The following ROBO2 variants were observed in gnomAD, a reference collection of about 807,000 sequenced individuals.
The protein encoded by ROBO2 is roundabout homolog 2.
Under a neutral mutation model 160.8 loss-of-function variants are expected in ROBO2, and 53 were observed. That is an observed-to-expected ratio of 0.33 (90% confidence interval 0.26 to 0.41). ROBO2 has a LOEUF of 0.41. Ranked by LOEUF, ROBO2 falls within the 10% of genes least tolerant of loss-of-function variation. The probability of loss-of-function intolerance (pLI) is 1.00; values close to 1 mark genes in which losing one functional copy is unlikely to be tolerated. For missense variants in ROBO2, 1,577 were observed against 1,722.4 expected (o/e 0.92, Z 1.49); for synonymous variants, 664 against 611.7 (o/e 1.09, Z -1.26).
At chr3:76,967,230 CTT>C (rs572930053) in intron 2 of ROBO2, among the ~76,000 whole-genome samples, 7 of 140,648 alleles carry the variant, frequency 5.0e-5, no homozygotes, top group Non-Finnish European at 7.8e-5. Flanking sequence ...CAAAATGTGC[CTT>C]TTTTTTTTTT....
At chr3:75,927,538 T>C (rs1947336407) in intron 1 of ROBO2, among the ~76,000 whole-genome samples, 1 of 152,200 alleles carries the variant, frequency 6.6e-6, no homozygotes. Context: ...GCTCACATAG[T>C]CACGTAAAGT....
At chr3:76,004,345 A>G (rs1383673652) in intron 2 of ROBO2, among the ~76,000 whole-genome samples, 2 of 152,166 alleles carry the variant, frequency 1.3e-5, no homozygotes, top group Non-Finnish European at 2.9e-5. Context: ...AGCCACCCAA[A>G]TCTGAGTGGG....
intron 2 of ROBO2, among the ~76,000 whole-genome samples, chr3:76,392,394 G>T (rs961821544): frequency 1.1e-4 from 17 of 152,062 alleles, no homozygotes; most frequent in African/African-American, 4.1e-4. Flanking sequence ...TCAGATACCT[G>T]TACAAATTGT....
intron 2 of ROBO2, among the ~76,000 whole-genome samples, chr3:76,206,976 A>G (rs1702846875): frequency 6.6e-6 from 1 of 152,150 alleles, no homozygotes; most frequent in Non-Finnish European, 1.5e-5. Flanking sequence ...TTTCATTCCC[A>G]TGAGTTTAGG....
intron 2 of ROBO2, among the ~76,000 whole-genome samples, chr3:75,994,956 C>T (rs2065683329): frequency 6.6e-6 from 1 of 152,128 alleles, no homozygotes; most frequent in Non-Finnish European, 1.5e-5. Flanking sequence ...CGGCATTTTG[C>T]CCCTGCCCTA....
At chr3:76,751,332 C>A (rs1365088163) in intron 2 of ROBO2, among the ~76,000 whole-genome samples, 1 of 152,008 alleles carries the variant, frequency 6.6e-6, no homozygotes, top group African/African-American at 2.4e-5. Flanking sequence ...ACATGTTAGA[C>A]CTAAAACCAT....
chr3:76,468,914 C>T (rs78967944), intron 2 of ROBO2, among the ~76,000 whole-genome samples: 5,363 of 152,138 alleles, frequency 0.035, 320 homozygotes, highest in African/African-American at 0.12. Context: ...ACATTCTACT[C>T]TTAAGTTCCT....
chr3:77,496,548 T>C (rs1382676024), intron 5 of ROBO2, among the ~76,000 whole-genome samples: 1 of 152,190 alleles, frequency 6.6e-6, no homozygotes, highest in Non-Finnish European at 1.5e-5. Context: ...GAGATGGCCA[T>C]TGTTCTTGTA....
intron 5 of ROBO2, among the ~76,000 whole-genome samples, chr3:77,510,217 T>A (rs2089206807): frequency 6.6e-6 from 1 of 152,130 alleles, no homozygotes; most frequent in South Asian, 2.1e-4. Flanking sequence ...GACAGTAAAC[T>A]GTTATATTAA....
intron 2 of ROBO2, among the ~76,000 whole-genome samples, chr3:76,583,864 TTGAC>T (rs2085859041): frequency 6.6e-6 from 1 of 152,330 alleles, no homozygotes; most frequent in South Asian, 2.1e-4. Flanking sequence ...TTAGATATAT[TTGAC>T]TGAGCCATGC....
chr3:76,191,155 T>A (rs554612542), intron 2 of ROBO2, among the ~76,000 whole-genome samples: 3 of 152,132 alleles, frequency 2.0e-5, no homozygotes, highest in Non-Finnish European at 4.4e-5. Context: ...CAAATACAGA[T>A]CTTGCTACAC....
intron 2 of ROBO2, among the ~76,000 whole-genome samples, chr3:76,010,645 A>C (rs987131209): frequency 1.3e-5 from 2 of 152,204 alleles, no homozygotes; most frequent in African/African-American, 4.8e-5. Flanking sequence ...GAATGTGAAT[A>C]TGTCCACATA....
intron 2 of ROBO2, among the ~76,000 whole-genome samples, chr3:76,993,002 G>C (rs1247771161): frequency 6.6e-6 from 1 of 151,988 alleles, no homozygotes; most frequent in Non-Finnish European, 1.5e-5. Flanking sequence ...GTTTTTAGTA[G>C]AGATGATGTT....
At chr3:76,654,843 T>A (rs2324622) in intron 2 of ROBO2, among the ~76,000 whole-genome samples, 51,102 of 112,712 alleles carry the variant, frequency 0.45, 11,039 homozygotes, top group African/African-American at 0.67. Flanking sequence ...TATAATTTTT[T>A]TATATATATA....
chr3:76,358,789 T>G (rs900214408), intron 2 of ROBO2, among the ~76,000 whole-genome samples: 1 of 151,954 alleles, frequency 6.6e-6, no homozygotes. Context: ...ATTATTATTA[T>G]ACTTTAAGTT....
intron 2 of ROBO2, among the ~76,000 whole-genome samples, chr3:77,100,186 CA>C (rs1479464556): frequency 1.3e-5 from 2 of 151,892 alleles, no homozygotes; most frequent in African/African-American, 4.8e-5. Flanking sequence ...TGTAATGTGA[CA>C]GTAATTTTTT....
intron 2 of ROBO2, among the ~76,000 whole-genome samples, chr3:77,220,935 A>C (rs2151194800): frequency 6.6e-6 from 1 of 152,302 alleles, no homozygotes; most frequent in Non-Finnish European, 1.5e-5. Context: ...TATTATAAAA[A>C]AATAGAGGAA....
At chr3:76,763,895 A>G (rs9848080) in intron 2 of ROBO2, among the ~76,000 whole-genome samples, 1,752 of 151,860 alleles carry the variant, frequency 0.012, 30 homozygotes, top group African/African-American at 0.039. Context: ...CTCTTGCTAT[A>G]CTATTGTCCT....
At chr3:75,945,280 G>A (rs1238975376) in intron 2 of ROBO2, among the ~76,000 whole-genome samples, 1 of 152,080 alleles carries the variant, frequency 6.6e-6, no homozygotes, top group East Asian at 1.9e-4. Flanking sequence ...TATTTTGATA[G>A]GGTAATTTTT....
Sources: allele counts gnomAD v4.1 joint callset (sites outside exome capture counted in the v4.1 genomes callset), GRCh38; gene constraint gnomAD v4.1.1; transcripts MANE v1.5; gene names NCBI Gene and HGNC (gene_info 2026-07-23, HGNC 2026-07-21).